EDIL3: variants seen among roughly 807,000 people sequenced by gnomAD.
The protein encoded by EDIL3 is EGF-like repeat and discoidin I-like domain-containing protein 3.
EDIL3 carries 37 observed loss-of-function variants against 67.4 expected under a neutral mutation model. That is an observed-to-expected ratio of 0.55 (90% CI 0.42 to 0.72). The LOEUF (loss-of-function observed/expected upper bound fraction) is 0.72, where lower values mean the gene tolerates loss of function less well. EDIL3 is among the 30% of genes least tolerant of loss of function. The probability of loss-of-function intolerance (pLI) is 0.00; values close to 1 mark genes in which losing one functional copy is unlikely to be tolerated. For missense variants in EDIL3, 527 were observed against 586.3 expected, an observed-to-expected ratio of 0.90 and a Z score of 1.04; for synonymous variants, 195 against 196.3, an observed-to-expected ratio of 0.99 and a Z score of 0.05.
intron 3 of EDIL3, among the ~76,000 whole-genome samples, chr5:84,202,052 C>A (rs759983177): frequency 6.6e-6 from 1 of 152,126 alleles, no homozygotes; most frequent in Non-Finnish European, 1.5e-5. Context: ...CACAAATATT[C>A]CAGTTCTTAA....
intron 5 of EDIL3, among the ~76,000 whole-genome samples, chr5:84,111,741 T>C (rs1747568749): frequency 6.6e-6 from 1 of 152,164 alleles, no homozygotes; most frequent in Non-Finnish European, 1.5e-5. Flanking sequence ...TTACACCAAG[T>C]CTCATCTCTG....
intron 1 of EDIL3, among the ~76,000 whole-genome samples, chr5:84,274,163 G>A (rs1179734417): frequency 2.0e-5 from 3 of 152,144 alleles, no homozygotes; most frequent in Non-Finnish European, 4.4e-5. Context: ...CTGGAGTTCA[G>A]TGGTGCAATC....
At chr5:84,160,397 A>C (rs1748581393) in intron 4 of EDIL3, among the ~76,000 whole-genome samples, 1 of 152,154 alleles carries the variant, frequency 6.6e-6, no homozygotes, top group Non-Finnish European at 1.5e-5. Flanking sequence ...GTTTTTAAGC[A>C]TAAAACCATG....
chr5:84,042,555 T>C (rs750419420), intron 9 of EDIL3, among the ~76,000 whole-genome samples: 68 of 152,298 alleles, frequency 4.5e-4, no homozygotes, highest in Non-Finnish European at 7.9e-4. Flanking sequence ...GTGTTCGGAT[T>C]ACAGGCATGA....
chr5:84,342,611 A>G (rs568946685), intron 1 of EDIL3, among the ~76,000 whole-genome samples: 13 of 152,026 alleles, frequency 8.6e-5, no homozygotes, highest in Admixed American at 3.9e-4. Flanking sequence ...TCCTTATACC[A>G]TCCTTGAGTA....
intron 1 of EDIL3, among the ~76,000 whole-genome samples, chr5:84,305,631 G>A (rs1300075621): frequency 6.6e-6 from 1 of 152,158 alleles, no homozygotes; most frequent in Non-Finnish European, 1.5e-5. Flanking sequence ...TGTAATCCCG[G>A]CATTTTGGGA....
Position 84,066,703 on chromosome 5 carries a change from T to C in EDIL3, c.652-97A>G, listed in dbSNP as rs1746648139. On this transcript the variant is annotated intron_variant, in intron 6 of 10. Transcript: ENST00000296591. ...GAAATGAAACATTGTTAATGCAGAT[T>C]AATAATAACATAAAAAGCTAATAAT... 14 of 1,418,464 alleles carry C rather than the reference T, an allele frequency of 9.9e-6. No homozygotes were observed. The South Asian group carries it at 1.7e-4, about 17-fold the overall frequency. 87.9% of individuals were successfully genotyped at this position (1,418,464 alleles called of 1,614,324 possible).
At chr5:84,305,945 C>T (rs1175888319) in intron 1 of EDIL3, among the ~76,000 whole-genome samples, 1 of 151,294 alleles carries the variant, frequency 6.6e-6, no homozygotes, top group African/African-American at 2.4e-5. Flanking sequence ...ATAAAATACA[C>T]TGTGTGCATA....
chr5:84,168,513 A>G (rs1352418110), intron 4 of EDIL3, among the ~76,000 whole-genome samples: 1 of 152,152 alleles, frequency 6.6e-6, no homozygotes, highest in Non-Finnish European at 1.5e-5. Context: ...CTGTTGAAAG[A>G]TAGAAAGAGT....
chr5:84,254,067 T>C lies in EDIL3; in HGVS notation c.196+17A>G, dbSNP rs1356509775. 5 of 1,574,220 alleles carry C rather than the reference T, an allele frequency of 3.2e-6. No homozygotes were observed. The Admixed American group carries it at 7.4e-5, about 23-fold the overall frequency. On this transcript the variant is annotated intron_variant, in intron 2 of 10. Transcript: ENST00000296591. Reference sequence around the variant, plus strand: ...AATAAAAAGATAACTACTGAAATACTTAAATTTTGCACTTACCAACCTCCA... The same window carrying C: ...AATAAAAAGATAACTACTGAAATACCTAAATTTTGCACTTACCAACCTCCA...
intron 4 of EDIL3, among the ~76,000 whole-genome samples, chr5:84,162,473 T>A (rs376862222): frequency 6.6e-6 from 1 of 152,128 alleles, no homozygotes; most frequent in Non-Finnish European, 1.5e-5. Flanking sequence ...GATGGTCAGG[T>A]TGAAACATGG....
rs149032928 is a variant in EDIL3, at chr5:84,344,622, C to T, written c.67+39686G>A. ...TTAATGTAAAATACATACCAGTTTA[C>T]AAATATTTAGAATAAAACAAAAATG... On this transcript the variant is annotated intron_variant, in intron 1 of 10. Coordinates refer to ENST00000296591, the MANE Select transcript of EDIL3 (RefSeq NM_005711.5). Among the ~76,000 whole-genome samples the T allele has an allele frequency of 1.2e-3, 177 of 151,926 alleles. 1 individual carries two copies. The highest frequency in any genetic ancestry group is 4.0e-3 in the African/African-American group (167 of 41,428).
At chr5:84,006,445 T>C (rs1745418449) in intron 9 of EDIL3, among the ~76,000 whole-genome samples, 1 of 152,104 alleles carries the variant, frequency 6.6e-6, no homozygotes, top group South Asian at 2.1e-4. Context: ...CATTATGCTA[T>C]GCAAACTAAC....
intron 3 of EDIL3, among the ~76,000 whole-genome samples, chr5:84,184,141 A>G (rs772113236): frequency 6.6e-6 from 1 of 151,990 alleles, no homozygotes; most frequent in Non-Finnish European, 1.5e-5. Flanking sequence ...ACAACAAAAA[A>G]CAACAAGTGA....
At chr5:84,024,796 C>T (rs976821502) in intron 9 of EDIL3, among the ~76,000 whole-genome samples, 15 of 101,968 alleles carry the variant, frequency 1.5e-4, no homozygotes, top group African/African-American at 2.0e-4. Context: ...AACACAACTT[C>T]TTTCTATTTT....
chr5:84,133,009 G>A (rs930633728), intron 5 of EDIL3, among the ~76,000 whole-genome samples: 1 of 152,092 alleles, frequency 6.6e-6, no homozygotes, highest in Non-Finnish European at 1.5e-5. Flanking sequence ...TCCCAAAGTA[G>A]TGCCAGTGAT....
Position 84,384,645 on chromosome 5 carries a change from C to A in EDIL3, c.-271G>T, listed in dbSNP as rs1377105054. 2 of 247,890 alleles carry A rather than the reference C, an allele frequency of 8.1e-6. No individual in the cohort carries two copies. Among genetic ancestry groups the A allele is most frequent in the Non-Finnish European group, 1.5e-5 (2 of 130,614 alleles). 15.4% of individuals were successfully genotyped at this position (247,890 alleles called of 1,614,324 possible). Reference sequence around the variant, plus strand: ...CGCCGGCGGGCTCAGCCCTCCGCTGCGGGTGGGTCCCGGCAGAGGCGCGGC... The same window carrying A: ...CGCCGGCGGGCTCAGCCCTCCGCTGAGGGTGGGTCCCGGCAGAGGCGCGGC... On this transcript the variant is annotated 5_prime_UTR_variant, in exon 1 of 11. Transcript: ENST00000296591.
intron 7 of EDIL3, among the ~76,000 whole-genome samples, chr5:84,065,236 T>C (rs1746616818): frequency 6.6e-6 from 1 of 152,162 alleles, no homozygotes; most frequent in Non-Finnish European, 1.5e-5. Context: ...AATCCAGTCT[T>C]TGCTACTGCT....
At position 84,342,962 on chromosome 5, in the gene EDIL3, A is replaced by G. The variant is rs542894321; in HGVS notation, c.67+41346T>C. Among the ~76,000 whole-genome samples, 24 of 152,222 alleles carry G rather than the reference A, an allele frequency of 1.6e-4. No individual in the cohort carries two copies. The South Asian group carries it at 3.5e-3, about 22-fold the overall frequency. ...GTTTCAGAGACTTTCTAACTTTCAG[A>G]GCCGAAAGTAAACTTATAAATTATC... On this transcript the variant is annotated intron_variant, in intron 1 of 10. Transcript: ENST00000296591.
Sources: gnomAD v4.1 joint callset for allele counts (sites outside exome capture counted in the v4.1 genomes callset) on GRCh38, gnomAD v4.1.1 for gene constraint, MANE v1.5 for transcripts, NCBI Gene and HGNC (gene_info 2026-07-23, HGNC 2026-07-21) for gene names.